Variants in TUSC3 observed in about 807,000 individuals in gnomAD.
The protein encoded by TUSC3 is dolichyl-diphosphooligosaccharide--protein glycosyltransferase subunit TUSC3.
Under a neutral mutation model 44.8 loss-of-function variants are expected in TUSC3, and 45 were observed. The ratio of observed to expected loss-of-function variants is 1.00; its 90% CI spans 0.79 to 1.29. The LOEUF (loss-of-function observed/expected upper bound fraction) is 1.29, where lower values mean the gene tolerates loss of function less well. TUSC3 is among the 50% of genes most tolerant of loss of function. TUSC3 has a pLI of 0.00. For synonymous variants in TUSC3, 212 were observed against 152.9 expected (o/e 1.39, Z -2.85); for missense variants, 519 against 437.9 (o/e 1.19, Z -1.65).
intron 3 of TUSC3, among the ~76,000 whole-genome samples, chr8:15,658,584 T>C (rs540914814): frequency 6.6e-6 from 1 of 152,010 alleles, no homozygotes; most frequent in East Asian, 1.9e-4. Flanking sequence ...TTAAAACTTT[T>C]TTTTATAATT....
rs369753796 is a variant in TUSC3, at chr8:15,720,201, T to TATACAC, written c.799-10464_799-10463insTACACA. 4.2e-3 allele frequency among the ~76,000 whole-genome samples: 596 copies of TATACAC among 141,684 alleles called. 1 individual carries two copies. The highest frequency in any genetic ancestry group is 0.011 in the African/African-American group (417 of 37,094). 93.0% of individuals were successfully genotyped at this position (141,684 alleles called of 152,430 possible). A position where few individuals can be genotyped will look rare whatever the true frequency, so the allele number is the denominator to read the frequency against. On this transcript the variant is annotated intron_variant, in intron 6 of 10. Transcript: ENST00000503731. Reference sequence around the variant, plus strand: ...TTGTTAAATATAGTGTATATATATATACACACACACACACACACACACACA... The same window carrying TATACAC: ...TTGTTAAATATAGTGTATATATATATATACACACACACACACACACACACACACACA...
rs1412108783 is a variant in TUSC3 at position 15,559,321 on chromosome 8, G to C, written c.138+18753G>C. Among the ~76,000 whole-genome samples, 4 of 145,284 alleles carry C rather than the reference G, an allele frequency of 2.8e-5. 1 individual carries two copies. Among genetic ancestry groups the C allele is most frequent in the Non-Finnish European group, 6.1e-5 (4 of 65,418 alleles). On this transcript the variant is annotated intron_variant, in intron 1 of 10. Coordinates refer to ENST00000503731, the MANE Select transcript of TUSC3 (RefSeq NM_006765.4). ...CATGTAGTTGAGCAGTTTTGAGTGA[G>C]ATTCTTAACCCTGAGTTCTAGTTTG...
At chr8:15,575,661 G>A (rs1317887951) in intron 1 of TUSC3, among the ~76,000 whole-genome samples, 3 of 152,066 alleles carry the variant, frequency 2.0e-5, no homozygotes, top group African/African-American at 7.2e-5. Flanking sequence ...CAGGTACTCC[G>A]GAAGCTGAGG....
chr8:15,681,568 TTTC>T (rs1174924353), intron 6 of TUSC3, among the ~76,000 whole-genome samples: 1 of 151,556 alleles, frequency 6.6e-6, no homozygotes, highest in Non-Finnish European at 1.5e-5. Context: ...TCTTTTTTTT[TTTC>T]TTTATTAGCC....
intron 1 of TUSC3, among the ~76,000 whole-genome samples, chr8:15,470,639 G>A (rs548483455): frequency 6.6e-6 from 1 of 152,182 alleles, no homozygotes; most frequent in South Asian, 2.1e-4. Flanking sequence ...TACACAGCAG[G>A]TCCCCAAATA....
chr8:15,606,032 G>A (rs982877611), intron 1 of TUSC3, among the ~76,000 whole-genome samples: 6 of 151,904 alleles, frequency 3.9e-5, no homozygotes, highest in Admixed American at 3.3e-4. Flanking sequence ...TTTTCATTCT[G>A]TTTAATGTAA....
At chr8:15,735,687 GTTGAT>G (rs1810897468) in intron 7 of TUSC3, among the ~76,000 whole-genome samples, 2 of 151,958 alleles carry the variant, frequency 1.3e-5, no homozygotes, top group Non-Finnish European at 2.9e-5. Flanking sequence ...CAGTGGATAT[GTTGAT>G]TTATTTTTTA....
chr8:15,480,157 C>T (rs780246888), intron 1 of TUSC3, among the ~76,000 whole-genome samples: 10 of 152,092 alleles, frequency 6.6e-5, no homozygotes, highest in Non-Finnish European at 1.0e-4. Context: ...GAGAACTACA[C>T]GCCACTGCTC....
At chr8:15,454,068 A>G (rs1216388265) in intron 1 of TUSC3, among the ~76,000 whole-genome samples, 1 of 152,172 alleles carries the variant, frequency 6.6e-6, no homozygotes, top group African/African-American at 2.4e-5. Flanking sequence ...CAGTAAATGC[A>G]CTATGCATGC....
intron 2 of TUSC3, among the ~76,000 whole-genome samples, chr8:15,502,877 A>G (rs896847240): frequency 3.3e-5 from 5 of 152,324 alleles, no homozygotes; most frequent in African/African-American, 1.2e-4. Context: ...AAAGAATGCC[A>G]GTGAGTTACT....
At chr8:15,497,310 G>T (rs1800896027) in intron 2 of TUSC3, among the ~76,000 whole-genome samples, 1 of 152,150 alleles carries the variant, frequency 6.6e-6, no homozygotes, top group Non-Finnish European at 1.5e-5. Context: ...GTAGAAAGCA[G>T]TGGGACACAA....
intron 1 of TUSC3, among the ~76,000 whole-genome samples, chr8:15,454,264 A>G (rs1375610518): frequency 2.0e-5 from 3 of 152,102 alleles, no homozygotes; most frequent in South Asian, 2.1e-4. Context: ...ACTTTACTCC[A>G]TTTTATTCCT....
the TUSC3 span, among the ~76,000 whole-genome samples, chr8:15,812,496 A>G: frequency 6.6e-6 from 1 of 152,196 alleles, no homozygotes; most frequent in African/African-American, 2.4e-5. Context: ...TTACTGCTGT[A>G]AAAATATGGC....
chr8:15,603,189 A>G (rs149205916), intron 1 of TUSC3, among the ~76,000 whole-genome samples: 4,413 of 151,814 alleles, frequency 0.029, 88 homozygotes, highest in South Asian at 0.06. Context: ...ATAAGAAAAG[A>G]GAACCCAATT....
At chr8:15,811,528 G>A in the TUSC3 span, among the ~76,000 whole-genome samples, 8 of 152,220 alleles carry the variant, frequency 5.3e-5, no homozygotes, top group African/African-American at 1.9e-4. Context: ...ACTGGGAAAA[G>A]TAGTCAAGCT....
At chr8:15,510,638 G>C in intron 2 of TUSC3, among the ~76,000 whole-genome samples, 1 of 152,042 alleles carries the variant, frequency 6.6e-6, no homozygotes. Flanking sequence ...TGGCTCTCTT[G>C]ATAAATCTGA....
At chr8:15,755,283 C>T (rs749758625) in intron 9 of TUSC3, among the ~76,000 whole-genome samples, 2 of 152,116 alleles carry the variant, frequency 1.3e-5, no homozygotes, top group Non-Finnish European at 1.5e-5. Flanking sequence ...AGAAAGATTA[C>T]ATGAGAGAAT....
At chr8:15,564,321 G>T (rs1454383007) in intron 1 of TUSC3, among the ~76,000 whole-genome samples, 1 of 152,012 alleles carries the variant, frequency 6.6e-6, no homozygotes, top group Non-Finnish European at 1.5e-5. Context: ...AAATAAAAAA[G>T]TGATTTCTTG....
chr8:15,536,814 T>C (rs967241559), upstream of TUSC3, among the ~76,000 whole-genome samples: 6 of 151,322 alleles, frequency 4.0e-5, no homozygotes, highest in Non-Finnish European at 8.8e-5. Flanking sequence ...TCTGATTTTC[T>C]ATCTTGCCCA....
Sources: allele counts gnomAD v4.1 joint callset (sites outside exome capture counted in the v4.1 genomes callset), GRCh38; gene constraint gnomAD v4.1.1; transcripts MANE v1.5; gene names NCBI Gene and HGNC (gene_info 2026-07-23, HGNC 2026-07-21).